Variants in MNT observed in about 807,000 individuals in gnomAD.
MNT encodes the protein MAX network transcriptional repressor.
Under a neutral mutation model 40.7 loss-of-function variants are expected in MNT, and 13 were observed. The observed-to-expected ratio is 0.32, with a 90% CI of 0.21 to 0.51. The LOEUF (loss-of-function observed/expected upper bound fraction) is 0.51. Ranked by LOEUF, MNT falls within the 20% of genes least tolerant of loss-of-function variation. The pLI is 0.98. For synonymous variants in MNT, 426 were observed against 354.8 expected (o/e 1.20, Z -2.26); for missense variants, 757 against 792.0 (o/e 0.96, Z 0.53).
chr17:2,394,083 G>C lies in MNT; in HGVS notation c.767C>G (p.Ser256Cys). ...CGCCGTCCGCAGCACGCTCAGATTG[G>C]ACGTCTTCTTGTCATCCACGTTGGG... ...NIPNVDDKKTSNLSVLRTALR... is the reference protein window; with the variant it reads ...NIPNVDDKKTCNLSVLRTALR... Residue 256 changes from serine (S) to cysteine (C), a missense_variant, in exon 4 of 6, where the codon TCC becomes TGC. Physicochemically the swap from Ser to Cys is moderately radical, Grantham distance 112. Coordinates refer to ENST00000174618, the MANE Select transcript of MNT (RefSeq NM_020310.3). The C allele has an allele frequency of 6.2e-7, 1 of 1,608,860 alleles. No individual in the cohort carries two copies. Among genetic ancestry groups the C allele is most frequent in the Non-Finnish European group, 8.5e-7 (1 of 1,177,760 alleles).
intron 1 of MNT, among the ~76,000 whole-genome samples, chr17:2,399,113 A>G (rs1379482596): frequency 3.3e-5 from 5 of 151,914 alleles, no homozygotes; most frequent in African/African-American, 1.2e-4. Flanking sequence ...ATAGGCAGAG[A>G]GAAAGGAAAG....
At chr17:2,394,269 G>GCATGCACA (rs2066555381) in intron 3 of MNT, 36 bp downstream of exon 3, 1 of 1,489,784 alleles carries the variant, frequency 6.7e-7, no homozygotes, top group Admixed American at 2.0e-5. Context: ...GCGCGCGCAC[G>GCATGCACA]CACGCACGCA....
At position 2,400,938 on chromosome 17, in the gene MNT, G is replaced by GC. The variant is rs2066611043; in HGVS notation, c.-227dup. On this transcript the variant is annotated 5_prime_UTR_variant, in exon 1 of 6. Coordinates refer to ENST00000174618, the MANE Select transcript of MNT (RefSeq NM_020310.3). ...AATTGCAAATTTAAAAAAATGGGAT[G>GC]CAAAAAAAAAAAAAAGGCGGCACTG... is the stretch of plus-strand genomic sequence containing the variant. 3.2e-6 allele frequency: 1 copy of GC among 315,800 alleles called. No homozygotes were observed. The highest frequency in any genetic ancestry group is 4.9e-5 in the East Asian group (1 of 20,360). The allele number at this position is 315,800 out of a possible 1,614,324, so 19.6% of individuals were successfully genotyped here. A position where few individuals can be genotyped will look rare whatever the true frequency, so the allele number is the denominator to read the frequency against.
In MNT at chr17:2,399,572, G is replaced by A. The variant is rs984291307; in HGVS notation, c.73+1068C>T. Among the ~76,000 whole-genome samples, 7 of 152,266 alleles carry A rather than the reference G, an allele frequency of 4.6e-5. No homozygotes were observed. In the South Asian group the frequency reaches 6.2e-4, roughly 14 times the overall value. On this transcript the variant is annotated intron_variant, in intron 1 of 5. Transcript: ENST00000174618. ...CTCGGCTCCTCCCTCGCAGGGCAAA[G>A]GCTCTCCCTGGGAGGTGCCCAGAGG... is the stretch of plus-strand genomic sequence containing the variant.
At chr17:2,400,495 G>C in intron 1 of MNT, 145 bp downstream of exon 1, 1 of 619,204 alleles carries the variant, frequency 1.6e-6, no homozygotes, top group Non-Finnish European at 2.6e-6. Context: ...CTCCCCAGGC[G>C]GCGGCTCTCG....
At chr17:2,396,334 A>AT (rs2066578863) in intron 1 of MNT, 1 of 153,406 alleles carries the variant, frequency 6.5e-6, no homozygotes, top group Non-Finnish European at 1.5e-5. Context: ...CAGCGCCAGC[A>AT]TGTCCTGTCC....
chr17:2,394,208 G>A, intron 3 of MNT, 54 bp from the exon 4 acceptor site: 1 of 1,600,254 alleles, frequency 6.2e-7, no homozygotes, highest in Non-Finnish European at 8.5e-7. Flanking sequence ...GCTGGGACGG[G>A]GGGAGGCAGG....
At chr17:2,398,767 C>G (rs2066593998) in intron 1 of MNT, among the ~76,000 whole-genome samples, 1 of 152,220 alleles carries the variant, frequency 6.6e-6, no homozygotes. Context: ...TCCCCTGACC[C>G]CTGTGCCCAA....
intron 4 of MNT, 107 bp from the exon 5 acceptor site, chr17:2,388,156 G>C: frequency 9.1e-7 from 1 of 1,098,700 alleles, no homozygotes; most frequent in Admixed American, 2.6e-5. Context: ...CAAGTCCGTG[G>C]CAACCAGCGG....
intron 5 of MNT, 25 bp from the exon 6 acceptor site, chr17:2,387,674 C>T: frequency 6.2e-7 from 1 of 1,612,786 alleles, no homozygotes. Context: ...GGGCAGGGAG[C>T]AGGTCAGAAG....
rs2066468044 is a variant in MNT, at chr17:2,386,994, C to T, written c.1656G>A (p.Val552=). 5.9e-6 allele frequency: 9 copies of T among 1,529,166 alleles called. No homozygotes were observed. The highest frequency in any genetic ancestry group is 7.9e-6 in the Non-Finnish European group (9 of 1,135,446). The allele number at this position is 1,529,166 out of a possible 1,614,324, so 94.7% of individuals were successfully genotyped here. ...TCTGGCCCACCAGCTGGGGGTGGTG[C>T]ACCACCTGAGCCCCCACGGCCGGCT... is the stretch of plus-strand genomic sequence containing the variant. ...MAKPAVGAQV[V]HHPQLVGQTV... Residue 552 remains valine (V), a synonymous_variant, in exon 6 of 6, where the codon GTG becomes GTA. Coordinates refer to ENST00000174618, the MANE Select transcript of MNT (RefSeq NM_020310.3).
Position 2,400,814 on chromosome 17 carries a change from G to T in MNT, c.-102C>A. 2.2e-6 allele frequency: 2 copies of T among 903,134 alleles called. No individual in the cohort carries two copies. The highest frequency in any genetic ancestry group is 1.9e-5 in the South Asian group (1 of 51,532). 55.9% of individuals were successfully genotyped at this position (903,134 alleles called of 1,614,324 possible). A position where few individuals can be genotyped will look rare whatever the true frequency, so the allele number is the denominator to read the frequency against. On this transcript the variant is annotated 5_prime_UTR_variant, in exon 1 of 6. Coordinates refer to ENST00000174618, the MANE Select transcript of MNT (RefSeq NM_020310.3). ...AGGCAGGAGGGAGGGATCACCTCCG[G>T]GGGGCGACAGGGCTGGGCGGCGCAG...
Position 2,395,464 on chromosome 17 carries a change from G to A in MNT, c.74-10C>T, listed in dbSNP as rs757931228. ...AGCCGCTCCTGCTCCTCTACACAGA[G>A]AGAACACAAGGGGGGGAGGGTCTCA... On this transcript the variant is annotated splice_polypyrimidine_tract_variant and intron_variant, in intron 1 of 5. Coordinates refer to ENST00000174618, the MANE Select transcript of MNT (RefSeq NM_020310.3). The A allele has an allele frequency of 6.2e-7, 1 of 1,610,450 alleles. No individual in the cohort carries two copies. The highest frequency in any genetic ancestry group is 1.7e-5 in the Admixed American group (1 of 59,978).
rs2066555109 is a variant in MNT, at chr17:2,394,263, G to GCA, written c.695+41_695+42insTG. On this transcript the variant is annotated intron_variant, in intron 3 of 5. Coordinates refer to ENST00000174618, the MANE Select transcript of MNT (RefSeq NM_020310.3). ...AGGGCCGCCGGGGCCCGGGTCGCGCGCGCACGCACGCACGCACACACACAC... is the reference window on the plus strand; with the variant it reads ...AGGGCCGCCGGGGCCCGGGTCGCGCGCACGCACGCACGCACGCACACACACAC... The GCA allele has an allele frequency of 3.3e-6, 5 of 1,515,398 alleles. No homozygotes were observed. The African/African-American group carries it at 6.6e-5, about 20-fold the overall frequency. 93.9% of individuals were successfully genotyped at this position (1,515,398 alleles called of 1,614,324 possible).
intron 4 of MNT, among the ~76,000 whole-genome samples, chr17:2,393,474 A>G (rs73298229): frequency 0.091 from 13,814 of 152,026 alleles, 837 homozygotes; most frequent in South Asian, 0.22. Context: ...GCCCAGTCAA[A>G]TCGGAGTTTT....
intron 5 of MNT, 67 bp from the exon 6 acceptor site, chr17:2,387,716 G>C: frequency 1.3e-6 from 2 of 1,587,054 alleles, no homozygotes. Flanking sequence ...AGGCGTAGAT[G>C]CTCGTGGGGG....
At chr17:2,393,884 C>G in intron 4 of MNT, 159 bp downstream of exon 4, 1 of 380,516 alleles carries the variant, frequency 2.6e-6, no homozygotes, top group Non-Finnish European at 4.5e-6. Flanking sequence ...GGGAGCCCCG[C>G]TGACGTCAGC....
intron 4 of MNT, chr17:2,390,500 A>G (rs1299156634): frequency 6.6e-6 from 1 of 152,142 alleles, no homozygotes; most frequent in Non-Finnish European, 1.5e-5. Flanking sequence ...GCACACCAGG[A>G]GTGTAGGTTT....
At chr17:2,388,542 C>G (rs2066487311) in intron 4 of MNT, among the ~76,000 whole-genome samples, 1 of 152,092 alleles carries the variant, frequency 6.6e-6, no homozygotes, top group Admixed American at 6.5e-5. Context: ...TCCCTCCTGG[C>G]TGCTGGTCTG....
Sources: gnomAD v4.1 joint callset for allele counts (sites outside exome capture counted in the v4.1 genomes callset) on GRCh38, gnomAD v4.1.1 for gene constraint, MANE v1.5 for transcripts, NCBI Gene and HGNC (gene_info 2026-07-23, HGNC 2026-07-21) for gene names.